Variants in LCORL observed in about 807,000 individuals in gnomAD.
The protein encoded by LCORL is ligand dependent nuclear receptor corepressor like, also known as ligand-dependent nuclear receptor corepressor-like protein.
A neutral mutation model predicts 141.8 loss-of-function variants in LCORL; 41 were observed. That is an observed-to-expected ratio of 0.29 (90% confidence interval 0.23 to 0.38). LCORL has a LOEUF of 0.38. LCORL is among the 10% of genes least tolerant of loss of function. The pLI is 1.00. For synonymous variants in LCORL, 618 were observed against 694.1 expected (o/e 0.89, Z 1.72); for missense variants, 1,759 against 2,035.0 (o/e 0.86, Z 2.61).
chr4:18,015,931 C>T (rs962724846), intron 1 of LCORL, among the ~76,000 whole-genome samples: 4 of 151,376 alleles, frequency 2.6e-5, no homozygotes, highest in Admixed American at 6.6e-5. Context: ...AGATTCCTTT[C>T]GGTATCAAAG....
chr4:17,982,099 CGTGTGTGTGTGTGTGTGTGTGTGTGT>C (rs57094203), intron 1 of LCORL, among the ~76,000 whole-genome samples: 1 of 136,468 alleles, frequency 7.3e-6, no homozygotes, highest in African/African-American at 2.8e-5. Flanking sequence ...AGTATTCCAT[CGTGTGTGTGTGTGTGTGTGTGTGTGT>C]GTGTGTGTGT....
intron 4 of LCORL, among the ~76,000 whole-genome samples, chr4:17,946,362 A>G (rs572422743): frequency 6.6e-6 from 1 of 152,106 alleles, no homozygotes; most frequent in South Asian, 2.1e-4. Flanking sequence ...AACCACACAC[A>G]TGCATGTAAT....
rs1279921889 is a variant in LCORL at position 18,021,015 on chromosome 4, G to A, written c.154+583C>T. ...GGGCGCCCCCCGCCCCTCGGACGAC[G>A]CCCCCGCCGCCCCTCGCCCCCAGCC... On this transcript the variant is annotated intron_variant, in intron 1 of 7. Coordinates refer to ENST00000635767, the Ensembl canonical transcript of LCORL. The surrounding 1 kb of genome is among the most constrained non-coding windows in gnomAD (Gnocchi z 5.5). Among the ~76,000 whole-genome samples the A allele has an allele frequency of 6.6e-6, 1 of 151,980 alleles. No homozygotes were observed. The highest frequency in any genetic ancestry group is 1.5e-5 in the Non-Finnish European group (1 of 67,936).
intron 4 of LCORL, among the ~76,000 whole-genome samples, chr4:17,953,778 A>C (rs1452140483): frequency 6.6e-6 from 1 of 152,258 alleles, no homozygotes; most frequent in Non-Finnish European, 1.5e-5. Context: ...TGCTAGGGAT[A>C]TAACAAAACA....
intron 4 of LCORL, among the ~76,000 whole-genome samples, chr4:17,927,437 T>C (rs1735327582): frequency 6.6e-6 from 1 of 152,240 alleles, no homozygotes; most frequent in Non-Finnish European, 1.5e-5. Context: ...ACTTTTCCTT[T>C]ACATACACAA....
In LCORL at chr4:17,889,737, T is replaced by C. The variant is rs188550479; in HGVS notation, c.683-3576A>G. Among the ~76,000 whole-genome samples the C allele has an allele frequency of 1.7e-3, 246 of 147,676 alleles. 3 individuals carry two copies. The East Asian group carries it at 0.023, about 14-fold the overall frequency. ...AAGGATAGAGAAAGCCCAGGAATGGTGGGGGTGGGGGAAGGATATTTTCTT... is the reference window on the plus strand; with the variant it reads ...AAGGATAGAGAAAGCCCAGGAATGGCGGGGGTGGGGGAAGGATATTTTCTT... On this transcript the variant is annotated intron_variant, in intron 5 of 7. Coordinates refer to ENST00000635767, the Ensembl canonical transcript of LCORL.
intron 4 of LCORL, chr4:17,911,963 A>T (rs1014321612): frequency 1.6e-6 from 1 of 606,802 alleles, no homozygotes; most frequent in African/African-American, 1.8e-5. Context: ...AGCCTGAATG[A>T]CTGCTTGGCC....
At chr4:17,962,255 C>CA (rs369162765) in intron 3 of LCORL, among the ~76,000 whole-genome samples, 2,328 of 114,832 alleles carry the variant, frequency 0.02, 21 homozygotes, top group Non-Finnish European at 0.023. Context: ...AAACTACAGT[C>CA]AAAAAAAAAA....
chr4:17,873,633 T>G (rs1726608393), exon 7 of LCORL: 1 of 1,233,854 alleles, frequency 8.1e-7, no homozygotes, highest in Non-Finnish European at 1.0e-6. Flanking sequence ...TTCTTTAGAT[T>G]GCTTTTTAAA....
At chr4:17,954,024 G>A (rs1393887836) in intron 4 of LCORL, among the ~76,000 whole-genome samples, 2 of 152,144 alleles carry the variant, frequency 1.3e-5, no homozygotes, top group Admixed American at 1.3e-4. Flanking sequence ...TTAGCCAGGT[G>A]TGGTGGCGGG....
intron 4 of LCORL, among the ~76,000 whole-genome samples, chr4:17,911,295 A>G (rs550072873): frequency 6.6e-6 from 1 of 151,860 alleles, no homozygotes; most frequent in Non-Finnish European, 1.5e-5. Flanking sequence ...CAAATAAGTA[A>G]AAGTACGAGG....
chr4:18,016,502 C>CAACTACTGT (rs1408368413), intron 1 of LCORL, among the ~76,000 whole-genome samples: 1 of 152,092 alleles, frequency 6.6e-6, no homozygotes, highest in Non-Finnish European at 1.5e-5. Context: ...TTGGCTGGAG[C>CAACTACTGT]AACTACTGTA....
At chr4:17,964,398 T>C (rs1381398121) in intron 2 of LCORL, among the ~76,000 whole-genome samples, 1 of 152,108 alleles carries the variant, frequency 6.6e-6, no homozygotes, top group Non-Finnish European at 1.5e-5. Flanking sequence ...TTATAAACTA[T>C]GAAGCACCAT....
At chr4:17,912,207 A>T (rs1732673275) in intron 4 of LCORL, 1 of 787,830 alleles carries the variant, frequency 1.3e-6, no homozygotes, top group African/African-American at 1.7e-5. Context: ...AGTATGAGAC[A>T]AAGCTGGCCG....
intron 7 of LCORL, among the ~76,000 whole-genome samples, chr4:17,848,887 C>G (rs561796521): frequency 6.6e-6 from 1 of 152,372 alleles, no homozygotes; most frequent in African/African-American, 2.4e-5. Context: ...TATCCCACAC[C>G]TGGCTCGGAG....
At chr4:17,896,476 G>T (rs1002229001) in intron 5 of LCORL, among the ~76,000 whole-genome samples, 1 of 152,122 alleles carries the variant, frequency 6.6e-6, no homozygotes, top group Non-Finnish European at 1.5e-5. Flanking sequence ...TAGAGACAGG[G>T]TTTCACTGTT....
intron 1 of LCORL, among the ~76,000 whole-genome samples, chr4:18,010,543 G>A (rs181781575): frequency 1.5e-3 from 230 of 152,040 alleles, no homozygotes; most frequent in African/African-American, 5.2e-3. Context: ...TCCGCCTCCC[G>A]GGTTCAAGCG....
chr4:17,919,046 A>G (rs564420900), intron 4 of LCORL, among the ~76,000 whole-genome samples: 1 of 152,280 alleles, frequency 6.6e-6, no homozygotes, highest in South Asian at 2.1e-4. Flanking sequence ...TTATTTTCTA[A>G]AACCAGAAAT....
At chr4:17,922,201 G>A (rs1188846187) in intron 4 of LCORL, among the ~76,000 whole-genome samples, 7 of 152,080 alleles carry the variant, frequency 4.6e-5, no homozygotes, top group African/African-American at 9.7e-5. Context: ...TACCAGGAGT[G>A]GTTCTAGAGG....
Sources: gnomAD v4.1 joint callset for allele counts (sites outside exome capture counted in the v4.1 genomes callset) on GRCh38, gnomAD v4.1.1 for gene constraint, Gnocchi (gnomAD v3.1) non-coding constraint, MANE v1.5 for transcripts, NCBI Gene and HGNC (gene_info 2026-07-23, HGNC 2026-07-21) for gene names.